The following GSE1 variants were observed in gnomAD, a reference collection of about 807,000 sequenced individuals.
GSE1 encodes the protein genetic suppressor element 1.
In GSE1, 32 loss-of-function variants were observed where a neutral mutation model predicts 112.6. That is an observed-to-expected ratio of 0.28 (90% CI 0.21 to 0.38). The LOEUF (loss-of-function observed/expected upper bound fraction) is 0.38, where lower values mean the gene tolerates loss of function less well. Ranked by LOEUF, GSE1 falls within the 10% of genes least tolerant of loss-of-function variation. GSE1 has a pLI of 1.00. For missense variants in GSE1, 2,348 were observed against 1,699.2 expected (o/e 1.38, Z -6.71); for synonymous variants, 1,115 against 735.6 (o/e 1.52, Z -8.35).
intron 1 of GSE1, among the ~76,000 whole-genome samples, chr16:85,172,358 A>G (rs2074374282): frequency 6.6e-6 from 1 of 152,196 alleles, no homozygotes; most frequent in Non-Finnish European, 1.5e-5. Flanking sequence ...GGTTCCAGAC[A>G]TGGGGGTGTG....
exon 1 of GSE1, chr16:85,171,732 C>T (rs764640685): frequency 3.0e-6 from 3 of 985,614 alleles, no homozygotes; most frequent in Non-Finnish European, 3.6e-6. Context: ...AGTGTGGGAC[C>T]CTGGTGTGTG....
intron 2 of GSE1, among the ~76,000 whole-genome samples, chr16:85,433,266 C>G (rs1289763897): frequency 6.6e-6 from 1 of 152,122 alleles, no homozygotes; most frequent in African/African-American, 2.4e-5. Context: ...AAAGAAACAT[C>G]TCTTATGCCC....
intron 1 of GSE1, among the ~76,000 whole-genome samples, chr16:85,356,111 C>T (rs911216091): frequency 5.3e-5 from 8 of 152,170 alleles, no homozygotes; most frequent in South Asian, 2.1e-4. Context: ...TGAGTTCATC[C>T]GTATAGTTAT....
At chr16:85,475,293 G>T (rs780682750) in intron 2 of GSE1, among the ~76,000 whole-genome samples, 28 of 152,216 alleles carry the variant, frequency 1.8e-4, no homozygotes, top group Non-Finnish European at 3.8e-4. Flanking sequence ...AGACAAGTGC[G>T]TCGCTGAATC....
intron 1 of GSE1, among the ~76,000 whole-genome samples, chr16:85,277,681 G>A (rs1335782717): frequency 6.6e-6 from 1 of 152,222 alleles, no homozygotes; most frequent in East Asian, 1.9e-4. Context: ...TGGGTATGTG[G>A]TGGTCTGCTG....
At chr16:85,548,428 C>G (rs1009898988) in intron 2 of GSE1, among the ~76,000 whole-genome samples, 14 of 151,722 alleles carry the variant, frequency 9.2e-5, no homozygotes, top group Admixed American at 7.9e-4. Context: ...AACTTCTCTT[C>G]TGCCCTCCCG....
upstream of GSE1, chr16:85,613,076 G>A (rs530845511): frequency 5.3e-6 from 3 of 569,316 alleles, no homozygotes; most frequent in Admixed American, 4.8e-5. Flanking sequence ...GTGCCTGGGC[G>A]GGTGGATCCG....
At chr16:85,665,535 G>T (rs538178696) in intron 12 of GSE1, among the ~76,000 whole-genome samples, 2 of 152,272 alleles carry the variant, frequency 1.3e-5, no homozygotes, top group African/African-American at 2.4e-5. Context: ...CCTGCTCTTT[G>T]TCTTCCTCAC....
chr16:85,611,966 G>T (rs1305589599), upstream of GSE1, among the ~76,000 whole-genome samples: 1 of 152,070 alleles, frequency 6.6e-6, no homozygotes, highest in Non-Finnish European at 1.5e-5. Flanking sequence ...GGGCTGGCAC[G>T]AGGGGGCTGA....
intron 1 of GSE1, among the ~76,000 whole-genome samples, chr16:85,213,344 G>A (rs576387410): frequency 2.0e-5 from 3 of 152,260 alleles, no homozygotes; most frequent in Non-Finnish European, 4.4e-5. Context: ...TACTTGGGAG[G>A]CTGAGGTGGA....
chr16:85,395,489 G>T (rs2047944443), intron 2 of GSE1, among the ~76,000 whole-genome samples: 2 of 152,146 alleles, frequency 1.3e-5, no homozygotes, highest in South Asian at 4.1e-4. Flanking sequence ...CTCAGAGCCT[G>T]CATGTCTGGC....
At chr16:85,652,901 C>A (rs938867062) in intron 3 of GSE1, among the ~76,000 whole-genome samples, 2 of 151,910 alleles carry the variant, frequency 1.3e-5, no homozygotes, top group African/African-American at 2.4e-5. Context: ...TGGTGCTCTT[C>A]AGGAGCACTG....
chr16:85,525,667 C>CG (rs1351800358), intron 2 of GSE1, among the ~76,000 whole-genome samples: 2 of 152,210 alleles, frequency 1.3e-5, no homozygotes, highest in East Asian at 1.9e-4. Context: ...ATTTGTCCCT[C>CG]AGGGGGCAGT....
intron 1 of GSE1, among the ~76,000 whole-genome samples, chr16:85,245,878 CGTGTGTGT>C (rs372818970): frequency 2.7e-5 from 4 of 150,630 alleles, no homozygotes; most frequent in African/African-American, 9.8e-5. Flanking sequence ...CCTGCGTGTG[CGTGTGTGT>C]GTGTGCGTGT....
intron 1 of GSE1, among the ~76,000 whole-genome samples, chr16:85,286,206 G>A (rs945893873): frequency 6.6e-6 from 1 of 152,262 alleles, no homozygotes; most frequent in Non-Finnish European, 1.5e-5. Flanking sequence ...ATGTTAGCGG[G>A]AGGAGGACAC....
At chr16:85,659,579 T>C (rs2052262836) in intron 8 of GSE1, 1 of 152,274 alleles carries the variant, frequency 6.6e-6, no homozygotes, top group South Asian at 2.1e-4. Flanking sequence ...AGGTCGGAAA[T>C]GGAGCATGTC....
intron 2 of GSE1, among the ~76,000 whole-genome samples, chr16:85,483,404 T>A (rs1345826644): frequency 1.3e-5 from 2 of 152,258 alleles, no homozygotes; most frequent in African/African-American, 4.8e-5. Context: ...TCACCCACTC[T>A]GTGCCTCAGT....
intron 2 of GSE1, among the ~76,000 whole-genome samples, chr16:85,534,368 C>T (rs552953464): frequency 1.3e-5 from 2 of 152,046 alleles, no homozygotes. Flanking sequence ...GTGATCCGCC[C>T]ACCTCGGCCT....
At chr16:85,493,601 A>G (rs2051076507) in intron 2 of GSE1, among the ~76,000 whole-genome samples, 1 of 151,850 alleles carries the variant, frequency 6.6e-6, no homozygotes, top group African/African-American at 2.4e-5. Context: ...TAAAAATTCA[A>G]AATTAGCCGG....
Sources: allele counts gnomAD v4.1 joint callset (sites outside exome capture counted in the v4.1 genomes callset), GRCh38; gene constraint gnomAD v4.1.1; transcripts MANE v1.5; gene names NCBI Gene and HGNC (gene_info 2026-07-23, HGNC 2026-07-21).